The following JAKMIP3 variants were observed in gnomAD, a reference collection of about 807,000 sequenced individuals.
JAKMIP3 encodes janus kinase and microtubule-interacting protein 3.
A neutral mutation model predicts 118.5 loss-of-function variants in JAKMIP3; 58 were observed. The observed-to-expected ratio is 0.49, with a 90% CI of 0.40 to 0.61. The LOEUF (loss-of-function observed/expected upper bound fraction) is 0.61, where lower values mean the gene tolerates loss of function less well. JAKMIP3 is among the 20% of genes least tolerant of loss of function. The pLI is 0.00. For synonymous variants in JAKMIP3, 486 were observed against 451.2 expected, an observed-to-expected ratio of 1.08 and a Z score of -0.98; for missense variants, 950 against 1,109.0, an observed-to-expected ratio of 0.86 and a Z score of 2.04.
intron 23 of JAKMIP3, among the ~76,000 whole-genome samples, chr10:132,180,842 CAT>C (rs981787634): frequency 3.3e-5 from 5 of 150,006 alleles, no homozygotes; most frequent in Non-Finnish European, 4.4e-5. Flanking sequence ...ATATCGTGTG[CAT>C]GTGTGTGCTG....
intron 20 of JAKMIP3, among the ~76,000 whole-genome samples, chr10:132,163,685 A>C (rs1248665094): frequency 1.3e-5 from 2 of 152,244 alleles, no homozygotes; most frequent in South Asian, 4.1e-4. Context: ...ACACCCTCTG[A>C]TGGCCACACC....
At chr10:132,151,600 T>G (rs1169563285) in intron 16 of JAKMIP3, among the ~76,000 whole-genome samples, 1 of 152,178 alleles carries the variant, frequency 6.6e-6, no homozygotes, top group Admixed American at 6.5e-5. Context: ...GGAACTGTAT[T>G]GGGCAACTCT....
chr10:132,076,120 C>T (rs376552946), intron 1 of JAKMIP3, among the ~76,000 whole-genome samples: 6 of 152,332 alleles, frequency 3.9e-5, no homozygotes, highest in East Asian at 3.9e-4. Flanking sequence ...ACATTTCCAT[C>T]GCCCCCAGAA....
intron 1 of JAKMIP3, among the ~76,000 whole-genome samples, chr10:132,037,823 C>A (rs1471782000): frequency 6.6e-6 from 1 of 152,218 alleles, no homozygotes. Context: ...GTTGCCTGGG[C>A]CGCAGCGCAG....
At chr10:132,154,109 T>G in intron 19 of JAKMIP3, 119 bp downstream of exon 19, 1 of 775,608 alleles carries the variant, frequency 1.3e-6, no homozygotes, top group South Asian at 1.7e-5. Context: ...GGGCCCCTAA[T>G]GGCCCCTAAT....
intron 16 of JAKMIP3, among the ~76,000 whole-genome samples, chr10:132,150,585 C>T (rs762738338): frequency 2.0e-5 from 3 of 152,192 alleles, no homozygotes; most frequent in Admixed American, 6.5e-5. Context: ...TCTACCTAGC[C>T]CTTCATTCAT....
chr10:132,100,652 C>T (rs2044717198), intron 1 of JAKMIP3, among the ~76,000 whole-genome samples: 1 of 152,190 alleles, frequency 6.6e-6, no homozygotes, highest in Non-Finnish European at 1.5e-5. Flanking sequence ...CCAACAGCAG[C>T]AGTGTCCTTG....
intron 21 of JAKMIP3, among the ~76,000 whole-genome samples, chr10:132,165,345 G>A (rs1486873304): frequency 6.6e-6 from 1 of 152,216 alleles, no homozygotes; most frequent in Non-Finnish European, 1.5e-5. Flanking sequence ...GTTGCCTGCA[G>A]GCGTTCAGGG....
intron 2 of JAKMIP3, among the ~76,000 whole-genome samples, chr10:132,106,739 G>T (rs1032266887): frequency 6.6e-6 from 1 of 152,238 alleles, no homozygotes; most frequent in African/African-American, 2.4e-5. Context: ...ATGGGGAGTT[G>T]CCCCAAATGG....
At chr10:132,111,350 C>CA (rs1554934589) in intron 2 of JAKMIP3, among the ~76,000 whole-genome samples, 4 of 23,526 alleles carry the variant, frequency 1.7e-4, no homozygotes, top group Non-Finnish European at 3.4e-4. Context: ...GGAGCAGAGA[C>CA]CCCCCCCATG....
At chr10:132,139,049 AGTGTGT>A (rs4009682) in intron 9 of JAKMIP3, among the ~76,000 whole-genome samples, 8 of 150,192 alleles carry the variant, frequency 5.3e-5, no homozygotes, top group East Asian at 2.0e-4. Context: ...CTTTATGTTG[AGTGTGT>A]GTGTGTGTGT....
At chr10:132,101,529 C>G (rs535392897) in intron 1 of JAKMIP3, among the ~76,000 whole-genome samples, 2 of 152,336 alleles carry the variant, frequency 1.3e-5, no homozygotes, top group African/African-American at 4.8e-5. Context: ...AATAGCAAAA[C>G]TATGGGAACG....
chr10:132,169,115 C>T (rs1438964727), intron 23 of JAKMIP3, 82 bp downstream of exon 23: 2 of 152,576 alleles, frequency 1.3e-5, no homozygotes, highest in East Asian at 1.9e-4. Context: ...ACCTCTGTGT[C>T]CCCGTCTGCA....
At chr10:132,173,815 A>G (rs1455537275) in intron 23 of JAKMIP3, among the ~76,000 whole-genome samples, 2 of 4,088 alleles carry the variant, frequency 4.9e-4, no homozygotes, top group Non-Finnish European at 1.0e-3. Context: ...GGCCTGTGGT[A>G]TGTTCATGGT....
intron 1 of JAKMIP3, among the ~76,000 whole-genome samples, chr10:132,055,783 G>A (rs893784233): frequency 4.6e-5 from 7 of 152,134 alleles, no homozygotes; most frequent in African/African-American, 1.7e-4. Flanking sequence ...CCTCCCCCGG[G>A]GTTTGTGTCC....
At chr10:132,101,374 C>T (rs1434995099) in intron 1 of JAKMIP3, among the ~76,000 whole-genome samples, 2 of 152,012 alleles carry the variant, frequency 1.3e-5, no homozygotes, top group East Asian at 1.9e-4. Context: ...TGAAGTCTCC[C>T]CGAAACAAAA....
rs113223606 is a variant in JAKMIP3 at position 132,168,339 on chromosome 10, AG to A, written c.*410del. The stretch of plus-strand genomic sequence containing the variant: ...CCTCCTCTCTCTTGGTTCTCACAGT[AG>A]CTGCCACTGGTGTCTGGAGGAAGAT... On this transcript the variant is annotated 3_prime_UTR_variant, in exon 23 of 24. Transcript: ENST00000684848. The A allele has an allele frequency of 1.3e-3, 1,682 of 1,289,546 alleles. 25 individuals are homozygous for A. The African/African-American group carries it at 0.019, about 15-fold the overall frequency. The allele number at this position is 1,289,546 out of a possible 1,614,324, so 79.9% of individuals were successfully genotyped here.
At chr10:132,137,475 T>C (rs2052047976) in intron 8 of JAKMIP3, among the ~76,000 whole-genome samples, 186 bp downstream of exon 8, 1 of 152,204 alleles carries the variant, frequency 6.6e-6, no homozygotes, top group South Asian at 2.1e-4. Flanking sequence ...CCCTTCAGTG[T>C]GGGTCAGAGA....
intron 6 of JAKMIP3, among the ~76,000 whole-genome samples, chr10:132,136,463 G>A (rs1245650198): frequency 6.6e-6 from 1 of 152,150 alleles, no homozygotes; most frequent in Non-Finnish European, 1.5e-5. Flanking sequence ...AGCAGGAGTC[G>A]GGGGCAGGGA....
Sources: allele counts gnomAD v4.1 joint callset (sites outside exome capture counted in the v4.1 genomes callset), GRCh38; gene constraint gnomAD v4.1.1; transcripts MANE v1.5; gene names NCBI Gene and HGNC (gene_info 2026-07-23, HGNC 2026-07-21).